DTWD2: variants seen among roughly 807,000 people sequenced by gnomAD.
The protein encoded by DTWD2 is tRNA-uridine aminocarboxypropyltransferase 2.
Under a neutral mutation model 31.8 loss-of-function variants are expected in DTWD2, and 39 were observed. That is an observed-to-expected ratio of 1.22 (90% CI 0.95 to 1.60). The LOEUF (loss-of-function observed/expected upper bound fraction) is 1.60, where lower values mean the gene tolerates loss of function less well. Among genes scored for constraint, DTWD2 ranks in the 40% most tolerant of loss-of-function variants. DTWD2 has a pLI of 0.00. For missense variants in DTWD2, 515 were observed against 381.5 expected, an observed-to-expected ratio of 1.35 and a Z score of -2.92; for synonymous variants, 180 against 142.8, an observed-to-expected ratio of 1.26 and a Z score of -1.86.
rs201404024 is a variant in DTWD2, at chr5:118,894,040, C to CAA, written c.597+34495_597+34496dup. 3.6e-4 allele frequency among the ~76,000 whole-genome samples: 35 copies of CAA among 96,860 alleles called. No homozygotes were observed. The South Asian group carries it at 4.2e-3, about 12-fold the overall frequency. The allele number at this position is 96,860 out of a possible 152,430, so 63.5% of individuals were successfully genotyped here. On this transcript the variant is annotated intron_variant, in intron 4 of 5. Transcript: ENST00000510708. ...TGGGTGACAGAGGGAGACTCTGTCT[C>CAA]AAAAAAAAAAAAAAAAGGAAACTGA...
chr5:118,974,143 G>C, intron 1 of DTWD2: 1 of 1,551,884 alleles, frequency 6.4e-7, no homozygotes, highest in Non-Finnish European at 8.7e-7. Context: ...AAAAGGAAAA[G>C]TTAAACTAAA....
chr5:118,985,329 C>G (rs1755398745), intron 1 of DTWD2, among the ~76,000 whole-genome samples: 1 of 151,852 alleles, frequency 6.6e-6, no homozygotes, highest in South Asian at 2.1e-4. Context: ...TTACATGTCA[C>G]TTCCAAGATT....
intron 1 of DTWD2, among the ~76,000 whole-genome samples, chr5:118,965,131 C>T (rs1440328944): frequency 6.7e-6 from 1 of 149,752 alleles, no homozygotes; most frequent in African/African-American, 2.5e-5. Flanking sequence ...GCCCAGCTGC[C>T]CCGTCTGAGA....
chr5:118,970,455 C>T (rs550253149), intron 1 of DTWD2, among the ~76,000 whole-genome samples: 5 of 151,968 alleles, frequency 3.3e-5, no homozygotes, highest in African/African-American at 9.6e-5. Context: ...AAAGAAAAGA[C>T]GATGAACAAA....
intron 4 of DTWD2, among the ~76,000 whole-genome samples, chr5:118,884,164 A>G (rs116043007): frequency 0.016 from 2,413 of 152,316 alleles, 77 homozygotes; most frequent in African/African-American, 0.055. Context: ...CTAACATTTG[A>G]GAGTAATGTA....
At chr5:118,903,488 A>G (rs896090882) in intron 4 of DTWD2, among the ~76,000 whole-genome samples, 1 of 152,030 alleles carries the variant, frequency 6.6e-6, no homozygotes, top group Admixed American at 6.5e-5. Flanking sequence ...AGGGTTGAAA[A>G]TATTCCAATT....
chr5:118,988,456 C>T lies in DTWD2; in HGVS notation c.56G>A (p.Gly19Glu). 1 of 1,606,228 alleles carries T rather than the reference C, an allele frequency of 6.2e-7. No individual in the cohort carries two copies. Among genetic ancestry groups the T allele is most frequent in the Admixed American group, 1.7e-5 (1 of 59,604 alleles). ...TLQEPVARPS[G>E]ASSSQTPNDK... ...GTTCGGCGTCTGAGAGCTTGAGGCC[C>T]CAGAAGGCCGCGCAACGGGCTCCTG... The change falls in exon 1 of 6, where the codon GGG becomes GAG. Residue 19 changes from glycine (G) to glutamate (E), a missense_variant. Gly to Glu is a moderately conservative substitution (Grantham distance 98). Coordinates refer to ENST00000510708, the MANE Select transcript of DTWD2 (RefSeq NM_173666.4).
At chr5:118,927,922 C>G (rs1440344514) in intron 4 of DTWD2, among the ~76,000 whole-genome samples, 1 of 151,856 alleles carries the variant, frequency 6.6e-6, no homozygotes, top group African/African-American at 2.4e-5. Context: ...GACAGTGGAC[C>G]AAAAATACAC....
intron 5 of DTWD2, among the ~76,000 whole-genome samples, chr5:118,844,550 A>G (rs1751802470): frequency 6.6e-6 from 1 of 152,222 alleles, no homozygotes; most frequent in African/African-American, 2.4e-5. Context: ...ACTCATTATT[A>G]TCTCAGTTCT....
In DTWD2 at chr5:118,963,430, A is replaced by G. The variant is rs116635855; in HGVS notation, c.219-18781T>C. 4.4e-3 allele frequency among the ~76,000 whole-genome samples: 663 copies of G among 152,282 alleles called. 5 individuals are homozygous for G. Among genetic ancestry groups the G allele is most frequent in the Non-Finnish European group, 7.7e-3 (521 of 68,012 alleles). ...TGGGGGAGCAGTTCAGTGTAGCTGG[A>G]GAAAGGGGTGTATGGAGGAGGAAGA... On this transcript the variant is annotated intron_variant, in intron 1 of 5. Coordinates refer to ENST00000510708, the MANE Select transcript of DTWD2 (RefSeq NM_173666.4).
chr5:118,985,547 C>T (rs1053532591), intron 1 of DTWD2, among the ~76,000 whole-genome samples: 9 of 130,118 alleles, frequency 6.9e-5, no homozygotes, highest in African/African-American at 1.3e-4. Flanking sequence ...CATATACACA[C>T]GTATATTACA....
chr5:118,954,138 G>A (rs755302882), intron 1 of DTWD2, among the ~76,000 whole-genome samples: 1 of 152,162 alleles, frequency 6.6e-6, no homozygotes, highest in Non-Finnish European at 1.5e-5. Context: ...AGACACGGTG[G>A]TGCACAGCTG....
In DTWD2 at chr5:118,927,261, G is replaced by A. The variant is rs531813766; in HGVS notation, c.597+1276C>T. On this transcript the variant is annotated intron_variant, in intron 4 of 5. Coordinates refer to ENST00000510708, the MANE Select transcript of DTWD2 (RefSeq NM_173666.4). ...AGGGCTCCAATATATGCATGGGGTC[G>A]GGGGAGGGACAGGGAACACAATTCA... is the stretch of plus-strand genomic sequence containing the variant. 2.6e-5 allele frequency among the ~76,000 whole-genome samples: 4 copies of A among 151,066 alleles called. No homozygotes were observed. The South Asian group carries it at 6.3e-4, about 24-fold the overall frequency.
intron 1 of DTWD2, among the ~76,000 whole-genome samples, chr5:118,979,247 T>C (rs1410233408): frequency 1.3e-5 from 2 of 151,988 alleles, no homozygotes; most frequent in Admixed American, 1.3e-4. Context: ...GAGCTTGCAG[T>C]GAGCAAAGAC....
intron 3 of DTWD2, among the ~76,000 whole-genome samples, chr5:118,930,794 T>C (rs1046616734): frequency 6.6e-6 from 1 of 151,974 alleles, no homozygotes; most frequent in African/African-American, 2.4e-5. Flanking sequence ...CAAATATGGA[T>C]AACAAATAGG....
chr5:118,836,342 C>T lies in DTWD2; in HGVS notation c.*4575G>A, dbSNP rs545615988. Among the ~76,000 whole-genome samples, 116 of 152,052 alleles carry T rather than the reference C, an allele frequency of 7.6e-4. No homozygotes were observed. Among genetic ancestry groups the T allele is most frequent in the Non-Finnish European group, 4.6e-4 (31 of 67,996 alleles). ...GCAACCTCTGCCTCCCAGGTTCAAG[C>T]AATTCTCTGCCTCAGCCTCCTGAGT... On this transcript the variant is annotated 3_prime_UTR_variant, in exon 6 of 6. Transcript: ENST00000510708.
intron 4 of DTWD2, among the ~76,000 whole-genome samples, chr5:118,918,492 G>A (rs1753630609): frequency 6.6e-6 from 1 of 151,592 alleles, no homozygotes; most frequent in African/African-American, 2.4e-5. Flanking sequence ...AAAAAGAACA[G>A]GGCTTTATTA....
At chr5:118,865,366 T>C (rs968840842) in intron 4 of DTWD2, among the ~76,000 whole-genome samples, 2 of 152,158 alleles carry the variant, frequency 1.3e-5, no homozygotes, top group African/African-American at 2.4e-5. Flanking sequence ...CTCATGAGTA[T>C]AAATAAGTAC....
At chr5:118,856,714 C>G (rs1222303172) in intron 4 of DTWD2, among the ~76,000 whole-genome samples, 1 of 147,022 alleles carries the variant, frequency 6.8e-6, no homozygotes, top group African/African-American at 2.5e-5. Context: ...AATTAGTCAT[C>G]AGTTTATAAA....
Sources: gnomAD v4.1 joint callset for allele counts (sites outside exome capture counted in the v4.1 genomes callset) on GRCh38, gnomAD v4.1.1 for gene constraint, MANE v1.5 for transcripts, NCBI Gene and HGNC (gene_info 2026-07-23, HGNC 2026-07-21) for gene names.